Variants in FAM107B observed in about 807,000 individuals in gnomAD.
The protein encoded by FAM107B is protein FAM107B.
A neutral mutation model predicts 31.5 loss-of-function variants in FAM107B; 21 were observed. The observed-to-expected ratio is 0.67, with a 90% confidence interval of 0.47 to 0.96. The LOEUF is 0.96. Ranked by LOEUF, FAM107B falls within the 40% of genes least tolerant of loss-of-function variation. FAM107B has a pLI of 0.00. For missense variants in FAM107B, 452 were observed against 377.1 expected (o/e 1.20, Z -1.64); for synonymous variants, 157 against 141.5 (o/e 1.11, Z -0.78).
intron 1 of FAM107B, among the ~76,000 whole-genome samples, chr10:14,721,435 T>C (rs909416613): frequency 1.1e-4 from 16 of 152,342 alleles, no homozygotes; most frequent in African/African-American, 3.4e-4. Flanking sequence ...TCTTCCACAA[T>C]GGTTGAACTA....
At chr10:14,579,570 T>C (rs1222790558) in intron 2 of FAM107B, among the ~76,000 whole-genome samples, 1 of 152,226 alleles carries the variant, frequency 6.6e-6, no homozygotes, top group African/African-American at 2.4e-5. Flanking sequence ...ATGGAAATTC[T>C]ACTTAAGCAA....
At position 14,774,457 on chromosome 10, in the gene FAM107B, T is replaced by C. The variant is rs764766359; in HGVS notation, c.207A>G (p.Ala69=). 16 of 1,614,100 alleles carry C rather than the reference T, an allele frequency of 9.9e-6. No individual in the cohort carries two copies. Among genetic ancestry groups the C allele is most frequent in the Middle Eastern group, 1.6e-4 (1 of 6,084 alleles). Residue 69 remains alanine (A), a synonymous_variant, in exon 1 of 5, where the codon GCA becomes GCG. Transcript: ENST00000181796. ...CTTGCCTTTTCTCTGGAGCTCCTTC[T>C]GCGCTTGGGTGTCTTGGCTGTCTGC... ...KAGRQPRHPS[A]EGAPEKRQDS...
chr10:14,684,771 T>A (rs1160490578), intron 1 of FAM107B, among the ~76,000 whole-genome samples: 1 of 152,186 alleles, frequency 6.6e-6, no homozygotes, highest in Non-Finnish European at 1.5e-5. Context: ...TCTCCATTTA[T>A]AAGGCGATAT....
intron 1 of FAM107B, among the ~76,000 whole-genome samples, chr10:14,758,655 T>C (rs529562598): frequency 2.6e-5 from 4 of 152,046 alleles, no homozygotes; most frequent in Non-Finnish European, 4.4e-5. Context: ...GGGCTCCCCG[T>C]CTGGAGCGAG....
chr10:14,610,130 T>C (rs1852691890), intron 2 of FAM107B, among the ~76,000 whole-genome samples: 1 of 152,112 alleles, frequency 6.6e-6, no homozygotes, highest in South Asian at 2.1e-4. Flanking sequence ...GATCACGAGG[T>C]CAGGAGATTG....
chr10:14,768,750 GT>G (rs1833236632), intron 1 of FAM107B, among the ~76,000 whole-genome samples: 1 of 152,046 alleles, frequency 6.6e-6, no homozygotes, highest in Admixed American at 6.5e-5. Context: ...CAAATTTTTG[GT>G]TATCATTTCG....
rs147217998 is a variant in FAM107B, at chr10:14,646,516, T to C, written c.469+21118A>G. ...CCCAAAAGACATTTATTCTTTTTTA[T>C]AGCTGAGGCGTATTCCATAGCATAT... On this transcript the variant is annotated intron_variant, in intron 2 of 4. Transcript: ENST00000181796. Among the ~76,000 whole-genome samples the C allele has an allele frequency of 4.8e-3, 730 of 152,362 alleles. 5 individuals are homozygous for C. Among genetic ancestry groups the C allele is most frequent in the African/African-American group, 0.017 (705 of 41,578 alleles).
chr10:14,718,545 G>GAGGA (rs1004687973), intron 1 of FAM107B, among the ~76,000 whole-genome samples: 4 of 150,132 alleles, frequency 2.7e-5, no homozygotes, highest in East Asian at 2.0e-4. Context: ...GAGAGAGAGA[G>GAGGA]AGGAAGGAAG....
At chr10:14,663,024 C>T (rs72770520) in intron 2 of FAM107B, among the ~76,000 whole-genome samples, 39,676 of 152,132 alleles carry the variant, frequency 0.26, 5,767 homozygotes, top group South Asian at 0.41. Context: ...CTGAGTCTTC[C>T]GGTCTTCATC....
chr10:14,522,344 C>A, intron 3 of FAM107B: 2 of 221,400 alleles, frequency 9.0e-6, no homozygotes, highest in Non-Finnish European at 8.9e-6. Context: ...GTGCCCATGA[C>A]AGAGACGGAG....
At chr10:14,540,072 C>T (rs768715275) in intron 2 of FAM107B, among the ~76,000 whole-genome samples, 3 of 152,226 alleles carry the variant, frequency 2.0e-5, no homozygotes, top group Admixed American at 6.5e-5. Flanking sequence ...CTGGGTGTCC[C>T]AGCCCTAGTC....
At chr10:14,763,009 T>C (rs2131592965) in intron 1 of FAM107B, among the ~76,000 whole-genome samples, 1 of 152,140 alleles carries the variant, frequency 6.6e-6, no homozygotes, top group South Asian at 2.1e-4. Context: ...ATGCCTATAA[T>C]CCCAGCACTT....
intron 2 of FAM107B, among the ~76,000 whole-genome samples, chr10:14,580,152 G>C (rs1156694660): frequency 6.6e-6 from 1 of 152,128 alleles, no homozygotes; most frequent in Non-Finnish European, 1.5e-5. Flanking sequence ...GAGGTCAGGA[G>C]ATCAAGACCA....
At chr10:14,585,844 T>A (rs1296220195) in intron 2 of FAM107B, among the ~76,000 whole-genome samples, 1 of 152,136 alleles carries the variant, frequency 6.6e-6, no homozygotes, top group African/African-American at 2.4e-5. Context: ...GTGACCATAT[T>A]AATTGTCGAC....
chr10:14,530,614 T>C (rs1186778620), intron 2 of FAM107B, 99 bp from the exon 3 acceptor site: 4 of 1,124,562 alleles, frequency 3.6e-6, no homozygotes, highest in African/African-American at 1.6e-5. Context: ...TGCTAACACA[T>C]GCCATCCTCC....
chr10:14,587,220 C>T (rs995416594), intron 2 of FAM107B, among the ~76,000 whole-genome samples: 2 of 152,122 alleles, frequency 1.3e-5, no homozygotes, highest in Admixed American at 1.3e-4. Context: ...GTTCATCGTC[C>T]TTCTAATGCG....
chr10:14,542,948 A>G lies in FAM107B; in HGVS notation c.470-12433T>C, dbSNP rs566835255. 5.3e-5 allele frequency among the ~76,000 whole-genome samples: 8 copies of G among 152,376 alleles called. No homozygotes were observed. In the East Asian group the frequency reaches 1.3e-3, roughly 26 times the overall value. Reference sequence around the variant, plus strand: ...AATAATTAGTTCATTAATATGCAGCACATTAATCTGCAAAAACTTCTAAGC... The same window carrying G: ...AATAATTAGTTCATTAATATGCAGCGCATTAATCTGCAAAAACTTCTAAGC... On this transcript the variant is annotated intron_variant, in intron 2 of 4. Coordinates refer to ENST00000181796, the MANE Select transcript of FAM107B (RefSeq NM_031453.4).
intron 2 of FAM107B, among the ~76,000 whole-genome samples, chr10:14,647,752 A>C (rs1392625561): frequency 6.6e-6 from 1 of 152,108 alleles, no homozygotes; most frequent in African/African-American, 2.4e-5. Context: ...AAAATGAAAC[A>C]AGGCATTTGC....
intron 2 of FAM107B, among the ~76,000 whole-genome samples, chr10:14,662,408 G>A (rs569357806): frequency 1.1e-4 from 16 of 140,402 alleles, no homozygotes; most frequent in Admixed American, 1.1e-3. Context: ...ACAGGGTCTC[G>A]CTCTCTCACC....
Sources: allele counts gnomAD v4.1 joint callset (sites outside exome capture counted in the v4.1 genomes callset), GRCh38; gene constraint gnomAD v4.1.1; transcripts MANE v1.5; gene names NCBI Gene and HGNC (gene_info 2026-07-23, HGNC 2026-07-21).